Variants in PSAP observed in about 807,000 individuals in gnomAD.
PSAP encodes prosaposin.
PSAP carries 25 observed loss-of-function variants against 66.0 expected under a neutral mutation model. That is an observed-to-expected ratio of 0.38 (90% CI 0.28 to 0.53). The LOEUF is 0.53. Among genes scored for constraint, PSAP ranks in the 20% least tolerant of loss-of-function variants. The pLI is 0.83. For missense variants in PSAP, 649 were observed against 668.8 expected (o/e 0.97, Z 0.33); for synonymous variants, 273 against 258.9 (o/e 1.05, Z -0.52).
At chr10:71,850,534 T>A (rs1292075180) in intron 1 of PSAP, among the ~76,000 whole-genome samples, 1 of 152,072 alleles carries the variant, frequency 6.6e-6, no homozygotes, top group African/African-American at 2.4e-5. Flanking sequence ...AAAACCCAGC[T>A]GTATCCCAAC....
At chr10:71,837,550 G>A (rs1418902017) in intron 1 of PSAP, among the ~76,000 whole-genome samples, 17 of 152,226 alleles carry the variant, frequency 1.1e-4, no homozygotes, top group Admixed American at 1.1e-3. Flanking sequence ...CACACAAGCA[G>A]GTAAACAACC....
At chr10:71,835,821 GA>G (rs758665607) in intron 1 of PSAP, among the ~76,000 whole-genome samples, 11,030 of 49,388 alleles carry the variant, frequency 0.22, 458 homozygotes, top group Non-Finnish European at 0.32. Flanking sequence ...GTCTGAGACA[GA>G]AAAAAAAAAA....
At position 71,846,713 on chromosome 10, in the gene PSAP, C is replaced by T. The variant is rs538312821; in HGVS notation, c.40+4469G>A. Among the ~76,000 whole-genome samples the T allele has an allele frequency of 6.5e-5, 7 of 107,982 alleles. No individual in the cohort carries two copies. The South Asian group carries it at 1.8e-3, about 27-fold the overall frequency. 70.8% of individuals were successfully genotyped at this position (107,982 alleles called of 152,430 possible). On this transcript the variant is annotated intron_variant, in intron 1 of 13. Coordinates refer to ENST00000394936, the MANE Select transcript of PSAP (RefSeq NM_002778.4). Reference sequence around the variant, plus strand: ...TGCCACTGCACTCCAGCCTGGGCAACAGAGTAAGACCCTGTCTCAAAAAAA... The same window carrying T: ...TGCCACTGCACTCCAGCCTGGGCAATAGAGTAAGACCCTGTCTCAAAAAAA...
Position 71,817,058 on chromosome 10 carries a change from C to A in PSAP, c.*383G>T. 2.7e-6 allele frequency: 1 copy of A among 364,856 alleles called. No individual in the cohort carries two copies. The highest frequency in any genetic ancestry group is 2.7e-5 in the South Asian group (1 of 36,652). 22.6% of individuals were successfully genotyped at this position (364,856 alleles called of 1,614,324 possible). A position where few individuals can be genotyped will look rare whatever the true frequency, so the allele number is the denominator to read the frequency against. ...AGGAGGCCACCTCAGAAGCCCAGGCCCACCAGTGCCCAAGCACATGTCAGG... is the reference window on the plus strand; with the variant it reads ...AGGAGGCCACCTCAGAAGCCCAGGCACACCAGTGCCCAAGCACATGTCAGG... On this transcript the variant is annotated 3_prime_UTR_variant, in exon 14 of 14. Transcript: ENST00000394936.
chr10:71,836,967 C>A (rs1187437103), intron 1 of PSAP, among the ~76,000 whole-genome samples: 1 of 152,204 alleles, frequency 6.6e-6, no homozygotes, highest in Non-Finnish European at 1.5e-5. Context: ...CTGAAACTGG[C>A]CCAGCTAATA....
At position 71,825,819 on chromosome 10, in the gene PSAP, G is replaced by A. The variant is rs779957575; in HGVS notation, c.777+18C>T. 7.5e-6 allele frequency: 12 copies of A among 1,605,730 alleles called. No homozygotes were observed. The East Asian group carries it at 2.2e-4, about 30-fold the overall frequency. Reference sequence around the variant, plus strand: ...AAAACAAAGAAAAATGCTAACAAGGGGCCTCCGTGCCACCTACCATGTGCA... The same window carrying A: ...AAAACAAAGAAAAATGCTAACAAGGAGCCTCCGTGCCACCTACCATGTGCA... On this transcript the variant is annotated intron_variant, in intron 7 of 13. Transcript: ENST00000394936.
intron 7 of PSAP, among the ~76,000 whole-genome samples, chr10:71,823,725 G>A (rs1842347641): frequency 6.6e-6 from 1 of 151,914 alleles, no homozygotes; most frequent in Admixed American, 6.6e-5. Flanking sequence ...ACAGGGGAGA[G>A]ATGCAGAAGC....
rs761008771 is a variant in PSAP at position 71,851,223 on chromosome 10, G to A, written c.-2C>T. The A allele has an allele frequency of 5.2e-6, 8 of 1,551,080 alleles. No homozygotes were observed. Among genetic ancestry groups the A allele is most frequent in the East Asian group, 2.4e-5 (1 of 40,922 alleles). On this transcript the variant is annotated 5_prime_UTR_variant, in exon 1 of 14. Coordinates refer to ENST00000394936, the MANE Select transcript of PSAP (RefSeq NM_002778.4). ...GGCCAGGAGGAAGAGGGCGTACATA[G>A]CGCCGTCTGACTCCGCAGTCTGCAA...
Position 71,816,623 on chromosome 10 carries a change from G to T in PSAP, c.*818C>A. On this transcript the variant is annotated 3_prime_UTR_variant, in exon 14 of 14. Coordinates refer to ENST00000394936, the MANE Select transcript of PSAP (RefSeq NM_002778.4). The stretch of plus-strand genomic sequence containing the variant: ...AGGGAGGGGTGCAGGCTGAAGCAGC[G>T]CCTCAACAGCCAGGGACATGTAGGC... 2.7e-6 allele frequency: 1 copy of T among 375,958 alleles called. No individual in the cohort carries two copies. The highest frequency in any genetic ancestry group is 1.9e-5 in the South Asian group (1 of 51,924). The allele number at this position is 375,958 out of a possible 1,614,324, so 23.3% of individuals were successfully genotyped here. A position where few individuals can be genotyped will look rare whatever the true frequency, so the allele number is the denominator to read the frequency against.
chr10:71,838,097 C>A (rs553302798), intron 1 of PSAP, among the ~76,000 whole-genome samples: 1 of 152,324 alleles, frequency 6.6e-6, no homozygotes, highest in Non-Finnish European at 1.5e-5. Context: ...GGTGGCAGAA[C>A]TGAAGAGGAG....
intron 1 of PSAP, among the ~76,000 whole-genome samples, chr10:71,840,619 A>G (rs1395635948): frequency 6.6e-6 from 1 of 152,238 alleles, no homozygotes; most frequent in Non-Finnish European, 1.5e-5. Flanking sequence ...AAGAGTCCTC[A>G]TATCACATAA....
At chr10:71,829,121 G>T in intron 4 of PSAP, 44 bp from the exon 5 acceptor site, 1 of 1,569,492 alleles carries the variant, frequency 6.4e-7, no homozygotes, top group South Asian at 1.1e-5. Context: ...CTCTCCCCAG[G>T]GGAAAATAAG....
At chr10:71,821,452 T>C (rs557320277) in intron 8 of PSAP, among the ~76,000 whole-genome samples, 1 of 152,328 alleles carries the variant, frequency 6.6e-6, no homozygotes, top group South Asian at 2.1e-4. Flanking sequence ...GACACCCACA[T>C]GTACTTAGTA....
rs758917597 is a variant in PSAP at position 71,829,089 on chromosome 10, G to T, written c.376-12C>A. 6.2e-7 allele frequency: 1 copy of T among 1,611,790 alleles called. No individual in the cohort carries two copies. Among genetic ancestry groups the T allele is most frequent in the South Asian group, 1.1e-5 (1 of 91,044 alleles). On this transcript the variant is annotated splice_polypyrimidine_tract_variant and intron_variant, in intron 4 of 13. Transcript: ENST00000394936. ...TCCCCAGGACGGCTCTGGTGGGATG[G>T]AAAGAAGTCCTGCTGAAAATCCTCT...
intron 1 of PSAP, among the ~76,000 whole-genome samples, chr10:71,839,303 G>A (rs1045912008): frequency 1.3e-5 from 2 of 151,962 alleles, no homozygotes; most frequent in East Asian, 1.9e-4. Context: ...GCAGTGGCAC[G>A]ATCTCGGCTT....
chr10:71,821,724 A>T, intron 8 of PSAP, 152 bp downstream of exon 8: 1 of 1,027,296 alleles, frequency 9.7e-7, no homozygotes, highest in Non-Finnish European at 1.5e-6. Context: ...AGTATAGGGG[A>T]TAGGATAAAC....
Position 71,825,991 on chromosome 10 carries a change from G to GT in PSAP, c.721-99dup, listed in dbSNP as rs1394684762. On this transcript the variant is annotated intron_variant, in intron 6 of 13. Coordinates refer to ENST00000394936, the MANE Select transcript of PSAP (RefSeq NM_002778.4). ...CCAGCATTTCCAACAGTGTCAACTGGTGACTATCAAGCAAGTTTCTAAAGT... is the reference window on the plus strand; with the variant it reads ...CCAGCATTTCCAACAGTGTCAACTGGTTGACTATCAAGCAAGTTTCTAAAGT... The GT allele has an allele frequency of 6.9e-6, 7 of 1,017,346 alleles. No homozygotes were observed. The African/African-American group carries it at 1.1e-4, about 16-fold the overall frequency. 63.0% of individuals were successfully genotyped at this position (1,017,346 alleles called of 1,614,324 possible).
chr10:71,835,844 A>AAC (rs1842615598), intron 1 of PSAP, among the ~76,000 whole-genome samples: 1 of 137,848 alleles, frequency 7.3e-6, no homozygotes, highest in Non-Finnish European at 1.5e-5. Flanking sequence ...AAAAAACAAA[A>AAC]CACAATCACC....
chr10:71,828,221 T>C (rs754941275), intron 5 of PSAP, 64 bp from the exon 6 acceptor site: 47 of 1,578,144 alleles, frequency 3.0e-5, no homozygotes, highest in Non-Finnish European at 4.1e-5. Context: ...AACGTCCTTA[T>C]ATACTCAGGG....
Sources: allele counts gnomAD v4.1 joint callset (sites outside exome capture counted in the v4.1 genomes callset), GRCh38; gene constraint gnomAD v4.1.1; transcripts MANE v1.5; gene names NCBI Gene and HGNC (gene_info 2026-07-23, HGNC 2026-07-21).